MAP4K3: variants seen among roughly 807,000 people sequenced by gnomAD.
MAP4K3 encodes the protein mitogen-activated protein kinase kinase kinase kinase 3.
MAP4K3 carries 94 observed loss-of-function variants against 143.5 expected under a neutral mutation model. That is an observed-to-expected ratio of 0.65 (90% CI 0.55 to 0.78). MAP4K3 has a LOEUF of 0.78. Ranked by LOEUF, MAP4K3 falls within the 30% of genes least tolerant of loss-of-function variation. The pLI is 0.00. For synonymous variants in MAP4K3, 416 were observed against 347.2 expected (o/e 1.20, Z -2.20); for missense variants, 1,077 against 1,068.1 (o/e 1.01, Z -0.12).
At chr2:39,380,281 T>C (rs553600748) in intron 1 of MAP4K3, among the ~76,000 whole-genome samples, 1 of 152,244 alleles carries the variant, frequency 6.6e-6, no homozygotes, top group East Asian at 1.9e-4. Context: ...AAGCCTTTCC[T>C]TAGTAAAATC....
chr2:39,422,028 C>A (rs900445201), intron 1 of MAP4K3, among the ~76,000 whole-genome samples: 1 of 151,174 alleles, frequency 6.6e-6, no homozygotes, highest in Non-Finnish European at 1.5e-5. Context: ...CATACTATTC[C>A]CGTATCTAGT....
chr2:39,334,814 G>C (rs1683808900), intron 6 of MAP4K3, among the ~76,000 whole-genome samples: 1 of 152,032 alleles, frequency 6.6e-6, no homozygotes, highest in Non-Finnish European at 1.5e-5. Flanking sequence ...ATCCAAGTAG[G>C]AGGAAAAAAC....
chr2:39,311,117 G>C (rs1329645368), intron 13 of MAP4K3, among the ~76,000 whole-genome samples: 1 of 152,114 alleles, frequency 6.6e-6, no homozygotes, highest in Non-Finnish European at 1.5e-5. Context: ...TCTTTCCGTT[G>C]CCCAGGCTGG....
At chr2:39,369,942 G>A (rs1469320949) in intron 2 of MAP4K3, among the ~76,000 whole-genome samples, 1 of 152,162 alleles carries the variant, frequency 6.6e-6, no homozygotes, top group Non-Finnish European at 1.5e-5. Context: ...TGCTCAATGG[G>A]TTCTCCGTAG....
rs530613315 is a variant in MAP4K3, at chr2:39,308,154, T to C, written c.1057-149A>G. ...GAGTCAAACTGTATTAGGCAGCTTC[T>C]AAAAAAGCAACATTGCAACAACTTT... is the stretch of plus-strand genomic sequence containing the variant. On this transcript the variant is annotated intron_variant, in intron 14 of 33. Coordinates refer to ENST00000263881, the MANE Select transcript of MAP4K3 (RefSeq NM_003618.4). 5 of 442,914 alleles carry C rather than the reference T, an allele frequency of 1.1e-5. No individual in the cohort carries two copies. In the Admixed American group the frequency reaches 1.3e-4, roughly 11 times the overall value. The allele number at this position is 442,914 out of a possible 1,614,324, so 27.4% of individuals were successfully genotyped here.
At chr2:39,363,391 G>A (rs918180454) in intron 2 of MAP4K3, among the ~76,000 whole-genome samples, 2 of 149,196 alleles carry the variant, frequency 1.3e-5, no homozygotes, top group South Asian at 2.1e-4. Context: ...CAAAGGGCTC[G>A]GCGCAGTGGC....
rs145078105 is a variant in MAP4K3 at position 39,292,542 on chromosome 2, T to A, written c.1271+231A>T. On this transcript the variant is annotated intron_variant, in intron 18 of 33. Transcript: ENST00000263881. ...GTTGGTTGGTACCTTGATCTTGAAC[T>A]TCCCACCTCCAGAACTGTGAGAAAT... 1.8e-3 allele frequency among the ~76,000 whole-genome samples: 278 copies of A among 152,328 alleles called. 11 individuals are homozygous for A. The South Asian group carries it at 0.04, about 22-fold the overall frequency.
chr2:39,262,873 C>T (rs1403103570), intron 28 of MAP4K3, among the ~76,000 whole-genome samples: 5 of 151,930 alleles, frequency 3.3e-5, no homozygotes, highest in South Asian at 2.1e-4. Flanking sequence ...GGGAGTATGA[C>T]GCGGGTGGAT....
At chr2:39,266,890 G>A (rs1222049770) in intron 27 of MAP4K3, among the ~76,000 whole-genome samples, 1 of 130,090 alleles carries the variant, frequency 7.7e-6, no homozygotes, top group Non-Finnish European at 1.7e-5. Context: ...TGGAAAACAG[G>A]GTGTGATAAA....
At chr2:39,289,461 A>G (rs1430510489) in intron 19 of MAP4K3, among the ~76,000 whole-genome samples, 1 of 152,218 alleles carries the variant, frequency 6.6e-6, no homozygotes, top group African/African-American at 2.4e-5. Context: ...TATAAAGTAT[A>G]TATTAGCTCA....
Position 39,288,107 on chromosome 2 carries a change from C to T in MAP4K3, c.1474+14G>A, listed in dbSNP as rs531345736. ...AAACCTGGTAACATATTTGCTGTCA[C>T]CCTCCACCATTACCTAAGGCAACAG... is the stretch of plus-strand genomic sequence containing the variant. On this transcript the variant is annotated intron_variant, in intron 20 of 33. Transcript: ENST00000263881. 6.2e-7 allele frequency: 1 copy of T among 1,613,568 alleles called. No homozygotes were observed. Among genetic ancestry groups the T allele is most frequent in the East Asian group, 2.2e-5 (1 of 44,874 alleles).
intron 1 of MAP4K3, among the ~76,000 whole-genome samples, chr2:39,409,847 C>CT (rs1348776711): frequency 6.6e-6 from 1 of 152,160 alleles, no homozygotes; most frequent in African/African-American, 2.4e-5. Flanking sequence ...AGACAGATCT[C>CT]TAATTCACAG....
chr2:39,292,636 A>C, intron 18 of MAP4K3, 137 bp downstream of exon 18: 1 of 744,356 alleles, frequency 1.3e-6, no homozygotes, highest in Non-Finnish European at 2.4e-6. Context: ...AGAATAGAAA[A>C]AAGGAAGGAA....
At chr2:39,421,107 T>A (rs944883965) in intron 1 of MAP4K3, among the ~76,000 whole-genome samples, 1 of 152,176 alleles carries the variant, frequency 6.6e-6, no homozygotes, top group African/African-American at 2.4e-5. Context: ...CACATCCATC[T>A]CTCACAGGAC....
chr2:39,323,180 G>C (rs1391185879), intron 12 of MAP4K3: 3 of 151,932 alleles, frequency 2.0e-5, no homozygotes, highest in Non-Finnish European at 4.4e-5. Context: ...TCCTACCCCT[G>C]GAATAATTAA....
At chr2:39,346,809 T>G (rs1328791806) in intron 3 of MAP4K3, among the ~76,000 whole-genome samples, 10 of 152,152 alleles carry the variant, frequency 6.6e-5, no homozygotes, top group Non-Finnish European at 1.5e-4. Flanking sequence ...TGCAGATTAC[T>G]TAGAATTACC....
At chr2:39,388,931 T>G (rs550839871) in intron 1 of MAP4K3, among the ~76,000 whole-genome samples, 3 of 151,914 alleles carry the variant, frequency 2.0e-5, no homozygotes, top group Admixed American at 1.3e-4. Context: ...AACAAAATTA[T>G]CAAGCATAAA....
chr2:39,316,871 G>C (rs1335123343), intron 12 of MAP4K3, among the ~76,000 whole-genome samples: 1 of 152,044 alleles, frequency 6.6e-6, no homozygotes, highest in Non-Finnish European at 1.5e-5. Flanking sequence ...CAAAGGCCAT[G>C]TAGATACATT....
At chr2:39,314,176 C>T (rs1056160832) in intron 13 of MAP4K3, among the ~76,000 whole-genome samples, 1 of 152,014 alleles carries the variant, frequency 6.6e-6, no homozygotes, top group Non-Finnish European at 1.5e-5. Context: ...GTTACAGGTG[C>T]ACATCAACAT....
Sources: gnomAD v4.1 joint callset for allele counts (sites outside exome capture counted in the v4.1 genomes callset) on GRCh38, gnomAD v4.1.1 for gene constraint, MANE v1.5 for transcripts, NCBI Gene and HGNC (gene_info 2026-07-23, HGNC 2026-07-21) for gene names.